The following ADAMTSL1 variants were observed in gnomAD, a reference collection of about 807,000 sequenced individuals.
ADAMTSL1 encodes the protein ADAMTS-like protein 1.
In ADAMTSL1, 126 loss-of-function variants were observed where a neutral mutation model predicts 201.8. The observed-to-expected ratio is 0.62, with a 90% confidence interval of 0.54 to 0.72. ADAMTSL1 has a LOEUF of 0.72. Ranked by LOEUF, ADAMTSL1 falls within the 30% of genes least tolerant of loss-of-function variation. ADAMTSL1 has a pLI of 0.00. For synonymous variants in ADAMTSL1, 1,121 were observed against 903.4 expected (o/e 1.24, Z -4.32); for missense variants, 2,679 against 2,277.8 (o/e 1.18, Z -3.59).
chr9:18,786,288 G>A (rs1261868553), intron 19 of ADAMTSL1, among the ~76,000 whole-genome samples: 1 of 152,088 alleles, frequency 6.6e-6, no homozygotes, highest in African/African-American at 2.4e-5. Flanking sequence ...GGTGTTCCCA[G>A]CTTATCCTCC....
chr9:18,357,371 C>T (rs75510386), intron 2 of ADAMTSL1, among the ~76,000 whole-genome samples: 11,039 of 152,116 alleles, frequency 0.073, 533 homozygotes, highest in Non-Finnish European at 0.11. Context: ...GGTAGAAGCA[C>T]TATTAATATG....
At chr9:18,320,923 A>G (rs949643724) in intron 2 of ADAMTSL1, among the ~76,000 whole-genome samples, 2 of 152,152 alleles carry the variant, frequency 1.3e-5, no homozygotes, top group African/African-American at 4.8e-5. Context: ...GGAGGCAGAA[A>G]TATAAAAAGA....
intron 1 of ADAMTSL1, among the ~76,000 whole-genome samples, chr9:18,069,188 ATCTC>A (rs1294507908): frequency 6.6e-6 from 1 of 152,220 alleles, no homozygotes; most frequent in Non-Finnish European, 1.5e-5. Flanking sequence ...TACACACCAT[ATCTC>A]AAAGACTTAG....
chr9:18,342,528 A>G (rs1835510929), intron 2 of ADAMTSL1, among the ~76,000 whole-genome samples: 1 of 152,166 alleles, frequency 6.6e-6, no homozygotes, highest in Non-Finnish European at 1.5e-5. Flanking sequence ...AGAGAATTAT[A>G]TTAGAAAATA....
chr9:18,801,242 A>T (rs1386566868), intron 20 of ADAMTSL1, among the ~76,000 whole-genome samples: 3 of 152,264 alleles, frequency 2.0e-5, no homozygotes, highest in Admixed American at 1.3e-4. Flanking sequence ...AAGACAGGCA[A>T]AATCAGGTTA....
At chr9:18,527,131 A>G (rs1376678043) in intron 2 of ADAMTSL1, among the ~76,000 whole-genome samples, 1 of 152,150 alleles carries the variant, frequency 6.6e-6, no homozygotes, top group Non-Finnish European at 1.5e-5. Context: ...TGTCTCAAAA[A>G]AGCAAAAGCA....
chr9:18,278,842 T>C (rs775026339), intron 2 of ADAMTSL1, among the ~76,000 whole-genome samples: 4 of 152,166 alleles, frequency 2.6e-5, no homozygotes, highest in Admixed American at 6.5e-5. Context: ...TTCTTCATTC[T>C]TTTTCTTTCT....
chr9:17,910,381 TA>T lies in ADAMTSL1; in HGVS notation c.87+3460del, dbSNP rs1825876028. ...TCTTAGACTTGCAGTATTTTTTTTT[TA>T]TGCTTTCCCACTGCCTGTTCAAACT... On this transcript the variant is annotated intron_variant, in intron 1 of 29. Transcript: ENST00000680146. Among the ~76,000 whole-genome samples, 2 of 69,082 alleles carry T rather than the reference TA, an allele frequency of 2.9e-5. 1 individual carries two copies. The highest frequency in any genetic ancestry group is 5.9e-5 in the African/African-American group (2 of 34,110). 45.3% of individuals were successfully genotyped at this position (69,082 alleles called of 152,430 possible).
chr9:18,053,465 G>C (rs1411756841), intron 1 of ADAMTSL1, among the ~76,000 whole-genome samples: 1 of 152,078 alleles, frequency 6.6e-6, no homozygotes, highest in African/African-American at 2.4e-5. Flanking sequence ...TTTCACATGT[G>C]ACAATCTCTT....
chr9:18,430,093 A>G (rs1191586296), intron 2 of ADAMTSL1, among the ~76,000 whole-genome samples: 1 of 152,092 alleles, frequency 6.6e-6, no homozygotes, highest in Non-Finnish European at 1.5e-5. Context: ...CCTGGCCAAT[A>G]GTAGTAAGAT....
intron 23 of ADAMTSL1, among the ~76,000 whole-genome samples, chr9:18,839,288 G>A (rs11795248): frequency 0.072 from 10,732 of 149,640 alleles, 470 homozygotes; most frequent in East Asian, 0.17. Flanking sequence ...GCGGTGTTTG[G>A]TTTTTTGTCT....
chr9:18,087,066 G>C (rs1447125144), intron 1 of ADAMTSL1, among the ~76,000 whole-genome samples: 1 of 152,088 alleles, frequency 6.6e-6, no homozygotes, highest in Non-Finnish European at 1.5e-5. Context: ...GTTATTATAT[G>C]TTTAATTCTT....
intron 4 of ADAMTSL1, among the ~76,000 whole-genome samples, chr9:18,580,424 T>A (rs1284320102): frequency 6.6e-6 from 1 of 152,198 alleles, no homozygotes. Context: ...CCAAAGGTGA[T>A]GATGTCAGAA....
chr9:18,474,132 C>T, upstream of ADAMTSL1: 1 of 1,006,534 alleles, frequency 9.9e-7, no homozygotes, highest in Non-Finnish European at 1.5e-6. Context: ...AGCTGATAGG[C>T]AGGACTGGAG....
intron 4 of ADAMTSL1, among the ~76,000 whole-genome samples, chr9:18,592,970 T>C (rs893312592): frequency 6.6e-6 from 1 of 152,166 alleles, no homozygotes; most frequent in African/African-American, 2.4e-5. Flanking sequence ...TTTATTTTAT[T>C]TGTAGCTATT....
At chr9:18,012,710 G>A (rs1020983107) in intron 1 of ADAMTSL1, among the ~76,000 whole-genome samples, 2 of 152,038 alleles carry the variant, frequency 1.3e-5, no homozygotes, top group East Asian at 1.9e-4. Flanking sequence ...TCTCCCAGGA[G>A]ATGGGGAGTC....
intron 8 of ADAMTSL1, among the ~76,000 whole-genome samples, chr9:18,660,157 A>T (rs1408432163): frequency 6.6e-6 from 1 of 152,236 alleles, no homozygotes; most frequent in Non-Finnish European, 1.5e-5. Context: ...TCTTGCTTCA[A>T]AGGAAACCTT....
In ADAMTSL1 at chr9:18,892,446, C is replaced by G. The variant is rs192181721; in HGVS notation, c.4701C>G (p.Thr1567=). The stretch of plus-strand genomic sequence containing the variant: ...GGAGCTGTGGGGGAGGTGTCCAGAC[C>G]CGCAGGGTGACCTGTCAAAAGCTGA... The part of the protein sequence containing the change: ...CTRSCGGGVQ[T]RRVTCQKLKA... The change falls in exon 26 of 29, where the codon ACC becomes ACG. Residue 1567 remains threonine (T), a synonymous_variant. Transcript: ENST00000380548. The G allele has an allele frequency of 3.7e-5, 59 of 1,613,452 alleles. No individual in the cohort carries two copies. The highest frequency in any genetic ancestry group is 4.9e-5 in the Non-Finnish European group (58 of 1,179,814).
At chr9:18,853,809 G>A (rs1471276365) in intron 23 of ADAMTSL1, among the ~76,000 whole-genome samples, 1 of 151,980 alleles carries the variant, frequency 6.6e-6, no homozygotes, top group Non-Finnish European at 1.5e-5. Flanking sequence ...TTCACATGAA[G>A]GGGAGGAACA....
Sources: allele counts gnomAD v4.1 joint callset (sites outside exome capture counted in the v4.1 genomes callset), GRCh38; gene constraint gnomAD v4.1.1; transcripts MANE v1.5; gene names NCBI Gene and HGNC (gene_info 2026-07-23, HGNC 2026-07-21).